The following SLCO1B3 variants were observed in gnomAD, a reference collection of about 807,000 sequenced individuals.
SLCO1B3 encodes liver-specific organic anion transporter 2.
SLCO1B3 carries 72 observed loss-of-function variants against 71.8 expected under a neutral mutation model. The observed-to-expected ratio is 1.00, with a 90% CI of 0.83 to 1.22. The LOEUF is 1.22. SLCO1B3 is among the 50% of genes most tolerant of loss of function. SLCO1B3 has a pLI of 0.00. For synonymous variants in SLCO1B3, 298 were observed against 278.4 expected (o/e 1.07, Z -0.70); for missense variants, 911 against 819.7 (o/e 1.11, Z -1.36).
At position 20,877,936 on chromosome 12, in the gene SLCO1B3, G is replaced by T; in HGVS notation, c.1135G>T (p.Gly379Ter). ...TGCATCTCATGCTAACTTTTTGTTGGGTAAGACATATTTTTTACCTGTTTG... is the reference window on the plus strand; with the variant it reads ...TGCATCTCATGCTAACTTTTTGTTGTGTAAGACATATTTTTTACCTGTTTG... ...QSASHANFLLGIITIPTVATG... is the reference protein window; with the variant it reads ...QSASHANFLL The change falls in exon 10 of 16, where the codon GGA (glycine) becomes TGA (stop). Residue 379 changes from glycine (G) to a stop codon, truncating the protein, a stop_gained and splice_region_variant. Transcript: ENST00000381545. LOFTEE classifies it high-confidence loss of function. The T allele has an allele frequency of 6.3e-7, 1 of 1,581,316 alleles. No individual in the cohort carries two copies. The highest frequency in any genetic ancestry group is 8.6e-7 in the Non-Finnish European group (1 of 1,165,668).
At chr12:20,865,464 T>C (rs1234960350) in intron 8 of SLCO1B3, among the ~76,000 whole-genome samples, 1 of 152,104 alleles carries the variant, frequency 6.6e-6, no homozygotes. Context: ...TTTCCGTGTG[T>C]GTACGCTTTC....
At position 20,880,417 on chromosome 12, in the gene SLCO1B3, A is replaced by G. The variant is rs531265323; in HGVS notation, c.1332-438A>G. Among the ~76,000 whole-genome samples the G allele has an allele frequency of 2.6e-5, 4 of 152,092 alleles. No individual in the cohort carries two copies. In the East Asian group the frequency reaches 7.7e-4, roughly 29 times the overall value. On this transcript the variant is annotated intron_variant, in intron 11 of 15. Coordinates refer to ENST00000381545, the MANE Select transcript of SLCO1B3 (RefSeq NM_019844.4). ...AATGTTAACTAACATGCATAGATTC[A>G]GAGGATTTTAAAGTGAGCTTAGAGG...
At chr12:20,851,129 G>A (rs768119850) in intron 3 of SLCO1B3, among the ~76,000 whole-genome samples, 8 of 152,238 alleles carry the variant, frequency 5.3e-5, no homozygotes, top group East Asian at 1.9e-4. Flanking sequence ...TGTGATGAAC[G>A]TGGGTGTGTG....
At chr12:20,811,729 TC>T (rs1372041302) in intron 1 of SLCO1B3, among the ~76,000 whole-genome samples, 4 of 152,254 alleles carry the variant, frequency 2.6e-5, no homozygotes, top group Admixed American at 2.0e-4. Flanking sequence ...ACATATTGTG[TC>T]CTCAACATTT....
chr12:20,840,509 G>C (rs1244317979), intron 3 of SLCO1B3, among the ~76,000 whole-genome samples: 1 of 151,150 alleles, frequency 6.6e-6, no homozygotes, highest in Non-Finnish European at 1.5e-5. Flanking sequence ...CTCTGCCTCA[G>C]CCTCCCAGTA....
At chr12:20,915,517 C>G (rs975212000) in intron 15 of SLCO1B3, among the ~76,000 whole-genome samples, 5 of 152,084 alleles carry the variant, frequency 3.3e-5, no homozygotes, top group Admixed American at 6.6e-5. Context: ...TAGTATGTGA[C>G]TTGCAAATTT....
intron 8 of SLCO1B3, among the ~76,000 whole-genome samples, chr12:20,866,148 G>C (rs536297755): frequency 6.6e-6 from 1 of 152,214 alleles, no homozygotes; most frequent in African/African-American, 2.4e-5. Context: ...CACTAGTGAT[G>C]CTGGAAGTGC....
rs76069495 is a variant in SLCO1B3 at position 20,813,517 on chromosome 12, T to G, written c.-180-7T>G. The G allele has an allele frequency of 0.037, 5,627 of 152,262 alleles. 103 individuals carry two copies. The highest frequency in any genetic ancestry group is 0.075 in the South Asian group (360 of 4,816). 9.4% of individuals were successfully genotyped at this position (152,262 alleles called of 1,614,324 possible). A position where few individuals can be genotyped will look rare whatever the true frequency, so the allele number is the denominator to read the frequency against. On this transcript the variant is annotated splice_polypyrimidine_tract_variant and splice_region_variant and intron_variant, in intron 1 of 15. Transcript: ENST00000381545. ...ACAGTGCATTTATCGCCACATTGTT[T>G]CCATAGTTGTGCTTTGCGATGCTGA...
Position 20,898,356 on chromosome 12 carries a change from A to T in SLCO1B3, c.1683-80A>T, listed in dbSNP as rs563209570. On this transcript the variant is annotated intron_variant, in intron 13 of 15. Transcript: ENST00000381545. Reference sequence around the variant, plus strand: ...ATTCATTCTACCAGGGAGAGGAATGATGCTGATAAATGTTTTGATATTAAC... The same window carrying T: ...ATTCATTCTACCAGGGAGAGGAATGTTGCTGATAAATGTTTTGATATTAAC... The T allele has an allele frequency of 1.2e-4, 105 of 854,412 alleles. No homozygotes were observed. The East Asian group carries it at 2.6e-3, about 21-fold the overall frequency. 52.9% of individuals were successfully genotyped at this position (854,412 alleles called of 1,614,324 possible). A position where few individuals can be genotyped will look rare whatever the true frequency, so the allele number is the denominator to read the frequency against.
chr12:20,816,691 C>T (rs192085757), intron 3 of SLCO1B3, among the ~76,000 whole-genome samples: 6 of 152,244 alleles, frequency 3.9e-5, no homozygotes, highest in East Asian at 1.9e-4. Context: ...TATACGAATT[C>T]GCTTTCTTTT....
At chr12:20,833,468 A>G (rs1277272896) in intron 3 of SLCO1B3, among the ~76,000 whole-genome samples, 1 of 149,376 alleles carries the variant, frequency 6.7e-6, no homozygotes, top group Non-Finnish European at 1.5e-5. Context: ...TGATATATAA[A>G]TATATACACA....
intron 13 of SLCO1B3, among the ~76,000 whole-genome samples, chr12:20,895,374 G>A (rs139465400): frequency 0.03 from 4,617 of 152,238 alleles, 108 homozygotes; most frequent in African/African-American, 0.065. Context: ...TTACTTCCTA[G>A]ATACAATGGG....
intron 3 of SLCO1B3, among the ~76,000 whole-genome samples, chr12:20,840,540 A>G (rs545721964): frequency 2.6e-5 from 4 of 151,910 alleles, no homozygotes; most frequent in African/African-American, 4.8e-5. Flanking sequence ...CAGGCACTCA[A>G]CACCACACCC....
At chr12:20,884,356 A>G (rs894785898) in intron 13 of SLCO1B3, among the ~76,000 whole-genome samples, 2 of 151,940 alleles carry the variant, frequency 1.3e-5, no homozygotes, top group African/African-American at 4.8e-5. Context: ...GATTAAAGTA[A>G]GGGGATGTGA....
At chr12:20,908,259 G>A (rs1190421177) in intron 15 of SLCO1B3, among the ~76,000 whole-genome samples, 2 of 152,068 alleles carry the variant, frequency 1.3e-5, no homozygotes, top group Non-Finnish European at 2.9e-5. Context: ...TAAAATTGAG[G>A]AGAAAGCACA....
At chr12:20,841,605 C>T (rs996808917) in intron 3 of SLCO1B3, among the ~76,000 whole-genome samples, 2 of 152,156 alleles carry the variant, frequency 1.3e-5, no homozygotes, top group Non-Finnish European at 1.5e-5. Flanking sequence ...TCAGGGGGTA[C>T]ATATGCAGGT....
intron 3 of SLCO1B3, among the ~76,000 whole-genome samples, chr12:20,821,173 G>C (rs1864296780): frequency 6.6e-6 from 1 of 152,174 alleles, no homozygotes; most frequent in East Asian, 1.9e-4. Context: ...AATTGCATTG[G>C]GCAGAGACTA....
At chr12:20,825,087 T>A (rs184839790) in intron 3 of SLCO1B3, among the ~76,000 whole-genome samples, 88 of 152,278 alleles carry the variant, frequency 5.8e-4, no homozygotes, top group Admixed American at 1.8e-3. Context: ...TCTATTAAAT[T>A]TTAATCATTT....
At chr12:20,883,661 A>G (rs1179881050) in intron 13 of SLCO1B3, 59 bp downstream of exon 13, 9 of 1,095,592 alleles carry the variant, frequency 8.2e-6, no homozygotes, top group Non-Finnish European at 1.2e-5. Flanking sequence ...ACCTAATGAT[A>G]GGCATATTTT....
Sources: allele counts gnomAD v4.1 joint callset (sites outside exome capture counted in the v4.1 genomes callset), GRCh38; gene constraint gnomAD v4.1.1; transcripts MANE v1.5; gene names NCBI Gene and HGNC (gene_info 2026-07-23, HGNC 2026-07-21).